The following SOX6 variants were observed in gnomAD, a reference collection of about 807,000 sequenced individuals.
SOX6 encodes transcription factor SOX-6.
SOX6 carries 11 observed loss-of-function variants against 97.8 expected under a neutral mutation model. The ratio of observed to expected loss-of-function variants is 0.11; its 90% CI spans 0.07 to 0.19. The LOEUF is 0.19. SOX6 is among the 10% of genes least tolerant of loss of function. SOX6 has a pLI of 1.00. For missense variants in SOX6, 810 were observed against 1,039.5 expected, an observed-to-expected ratio of 0.78 and a Z score of 3.04; for synonymous variants, 360 against 371.4, an observed-to-expected ratio of 0.97 and a Z score of 0.35.
chr11:16,324,424 A>C (rs1418577126), intron 2 of SOX6, among the ~76,000 whole-genome samples: 1 of 152,140 alleles, frequency 6.6e-6, no homozygotes, highest in Non-Finnish European at 1.5e-5. Context: ...CAATTGTAGG[A>C]ATTATTTGAG....
intron 3 of SOX6, among the ~76,000 whole-genome samples, chr11:16,261,271 T>C (rs1853885294): frequency 6.6e-6 from 1 of 152,156 alleles, no homozygotes; most frequent in Non-Finnish European, 1.5e-5. Context: ...ATATGTGGAA[T>C]CAATGAAAAT....
intron 4 of SOX6, among the ~76,000 whole-genome samples, chr11:16,603,931 G>A (rs938392865): frequency 6.6e-6 from 1 of 152,230 alleles, no homozygotes. Context: ...CTGGAACCCA[G>A]AACAGAGCTG....
chr11:16,614,562 T>C (rs900663336), intron 3 of SOX6, among the ~76,000 whole-genome samples: 2 of 152,222 alleles, frequency 1.3e-5, no homozygotes, highest in East Asian at 1.9e-4. Context: ...CCTACCCCTA[T>C]GGAAGCCTTT....
intron 1 of SOX6, among the ~76,000 whole-genome samples, chr11:16,423,731 C>T (rs1315970056): frequency 6.6e-6 from 1 of 152,052 alleles, no homozygotes. Context: ...ACAGGCAGAA[C>T]TAAGGCTGAG....
chr11:16,360,596 G>C (rs1424984780), upstream of SOX6, among the ~76,000 whole-genome samples: 5 of 152,222 alleles, frequency 3.3e-5, no homozygotes, highest in African/African-American at 1.2e-4. Context: ...CCTCTAGAAG[G>C]GGACAAGAAT....
At chr11:16,466,429 C>A (rs1166647245) in intron 1 of SOX6, among the ~76,000 whole-genome samples, 1 of 152,074 alleles carries the variant, frequency 6.6e-6, no homozygotes, top group Non-Finnish European at 1.5e-5. Flanking sequence ...GACTGTATTT[C>A]ACATCTTATA....
At chr11:16,601,099 G>A (rs1490753811) in intron 4 of SOX6, among the ~76,000 whole-genome samples, 1 of 152,066 alleles carries the variant, frequency 6.6e-6, no homozygotes, top group East Asian at 1.9e-4. Context: ...CAAACCCAAA[G>A]ATAGTCCATT....
intron 6 of SOX6, among the ~76,000 whole-genome samples, chr11:16,153,217 A>G (rs948506998): frequency 1.2e-4 from 18 of 151,936 alleles, no homozygotes; most frequent in African/African-American, 4.1e-4. Context: ...CATGTTGGCC[A>G]GGCTGGTCTC....
At chr11:16,520,097 G>GT (rs1214124965) in intron 4 of SOX6, among the ~76,000 whole-genome samples, 2 of 152,112 alleles carry the variant, frequency 1.3e-5, no homozygotes, top group Non-Finnish European at 2.9e-5. Flanking sequence ...TTCTGGATAT[G>GT]TTTTTTGTTA....
chr11:16,421,739 A>T (rs139773874), intron 1 of SOX6, among the ~76,000 whole-genome samples: 30 of 152,312 alleles, frequency 2.0e-4, no homozygotes, highest in African/African-American at 5.8e-4. Context: ...AATAGTTTTT[A>T]GTTATCTTAG....
At chr11:16,222,141 T>C (rs1852556891) in intron 4 of SOX6, among the ~76,000 whole-genome samples, 1 of 152,152 alleles carries the variant, frequency 6.6e-6, no homozygotes, top group African/African-American at 2.4e-5. Flanking sequence ...GAGTCCAACA[T>C]CTATTAACCC....
At chr11:16,645,639 G>A (rs555398857) in intron 3 of SOX6, among the ~76,000 whole-genome samples, 3 of 152,298 alleles carry the variant, frequency 2.0e-5, no homozygotes, top group African/African-American at 7.2e-5. Flanking sequence ...CAGACATACA[G>A]AGAGAATGCC....
intron 3 of SOX6, among the ~76,000 whole-genome samples, chr11:16,658,126 G>A (rs961141325): frequency 6.6e-6 from 1 of 152,164 alleles, no homozygotes; most frequent in African/African-American, 2.4e-5. Flanking sequence ...CAATATAGAA[G>A]ATTTCCCATT....
intron 3 of SOX6, among the ~76,000 whole-genome samples, chr11:16,638,599 A>G (rs1848834358): frequency 6.6e-6 from 1 of 152,136 alleles, no homozygotes; most frequent in Non-Finnish European, 1.5e-5. Context: ...TGACTTTTTA[A>G]TGATCACCAT....
chr11:16,539,870 A>G (rs943911828), intron 4 of SOX6, among the ~76,000 whole-genome samples: 5 of 152,210 alleles, frequency 3.3e-5, no homozygotes, highest in African/African-American at 1.2e-4. Context: ...ACGGACTCAC[A>G]GCCAAATTCT....
intron 1 of SOX6, among the ~76,000 whole-genome samples, chr11:16,445,659 T>C (rs543886806): frequency 6.6e-6 from 1 of 152,252 alleles, no homozygotes; most frequent in East Asian, 1.9e-4. Flanking sequence ...TTCCACCTTG[T>C]GTGAGTACCC....
chr11:16,022,395 C>G (rs1204918164), intron 12 of SOX6, among the ~76,000 whole-genome samples: 2 of 149,246 alleles, frequency 1.3e-5, no homozygotes, highest in Non-Finnish European at 3.0e-5. Context: ...CCCTTCCTCT[C>G]TCTCTCTCTC....
chr11:16,303,621 T>C (rs1855332237), intron 3 of SOX6, among the ~76,000 whole-genome samples: 1 of 152,192 alleles, frequency 6.6e-6, no homozygotes, highest in South Asian at 2.1e-4. Context: ...ATCCTTTCTA[T>C]ACAAATTTTA....
chr11:16,469,076 G>GA (rs1432195673), intron 1 of SOX6, among the ~76,000 whole-genome samples: 2,736 of 132,572 alleles, frequency 0.021, 61 homozygotes, highest in East Asian at 0.057. Context: ...TTGGTACAGC[G>GA]AAAAAAAAAA....
Sources: allele counts gnomAD v4.1 joint callset (sites outside exome capture counted in the v4.1 genomes callset), GRCh38; gene constraint gnomAD v4.1.1; transcripts MANE v1.5; gene names NCBI Gene and HGNC (gene_info 2026-07-23, HGNC 2026-07-21).